Variants in NEURL1 observed in about 807,000 individuals in gnomAD.
The protein encoded by NEURL1 is neuralized E3 ubiquitin protein ligase 1, also known as E3 ubiquitin-protein ligase NEURL1.
Under a neutral mutation model 41.2 loss-of-function variants are expected in NEURL1, and 26 were observed. That is an observed-to-expected ratio of 0.63 (90% CI 0.46 to 0.87). The LOEUF (loss-of-function observed/expected upper bound fraction) is 0.87. Ranked by LOEUF, NEURL1 falls within the 40% of genes least tolerant of loss-of-function variation. NEURL1 has a pLI of 0.00. For missense variants in NEURL1, 761 were observed against 871.1 expected (o/e 0.87, Z 1.59); for synonymous variants, 400 against 402.3 (o/e 0.99, Z 0.07).
chr10:103,529,076 A>AT (rs1379991171), intron 1 of NEURL1, among the ~76,000 whole-genome samples: 1 of 152,244 alleles, frequency 6.6e-6, no homozygotes, highest in Non-Finnish European at 1.5e-5. Flanking sequence ...CTAGACTCTA[A>AT]TAACAGGTGT....
At chr10:103,567,202 T>C (rs2035444203) in intron 1 of NEURL1, among the ~76,000 whole-genome samples, 1 of 152,142 alleles carries the variant, frequency 6.6e-6, no homozygotes, top group African/African-American at 2.4e-5. Flanking sequence ...CAGGCTGGTC[T>C]CGAACTCCTG....
intron 1 of NEURL1, among the ~76,000 whole-genome samples, chr10:103,560,796 T>C (rs1237545403): frequency 6.6e-6 from 1 of 152,248 alleles, no homozygotes; most frequent in Non-Finnish European, 1.5e-5. Context: ...GCTCTGCCAC[T>C]TACCAGCTAT....
At chr10:103,515,891 A>G (rs1387576360) in intron 1 of NEURL1, among the ~76,000 whole-genome samples, 1 of 152,202 alleles carries the variant, frequency 6.6e-6, no homozygotes, top group Non-Finnish European at 1.5e-5. Flanking sequence ...TGAACTACAG[A>G]TGTGGTCCAA....
In NEURL1 at chr10:103,545,692, T is replaced by C. The variant is rs2034910868; in HGVS notation, c.86-25180T>C. Among the ~76,000 whole-genome samples the C allele has an allele frequency of 2.6e-5, 4 of 152,222 alleles. No homozygotes were observed. The highest frequency in any genetic ancestry group is 4.4e-5 in the Non-Finnish European group (3 of 68,036). ...TTTGCTGTATGAGAACAGCAGTTCCTATTTTTTGAGCCAAGCCAAGCCCTC... is the reference window on the plus strand; with the variant it reads ...TTTGCTGTATGAGAACAGCAGTTCCCATTTTTTGAGCCAAGCCAAGCCCTC... On this transcript the variant is annotated intron_variant, in intron 1 of 5. Transcript: ENST00000369780. The surrounding 1 kb of genome is among the most constrained non-coding windows in gnomAD (Gnocchi z 4.5).
chr10:103,568,894 AACCTCC>A (rs2035481271), intron 1 of NEURL1, among the ~76,000 whole-genome samples: 2 of 152,164 alleles, frequency 1.3e-5, no homozygotes, highest in Non-Finnish European at 2.9e-5. Context: ...GGCTCACTGC[AACCTCC>A]ACCTTCTGGG....
intron 1 of NEURL1, among the ~76,000 whole-genome samples, chr10:103,530,722 G>A (rs776455326): frequency 1.3e-5 from 2 of 151,912 alleles, no homozygotes; most frequent in African/African-American, 2.4e-5. Flanking sequence ...TGTGTTATTA[G>A]TAGAGACGGG....
chr10:103,520,426 G>A (rs1032793382), intron 1 of NEURL1, among the ~76,000 whole-genome samples: 1 of 152,154 alleles, frequency 6.6e-6, no homozygotes, highest in Non-Finnish European at 1.5e-5. Flanking sequence ...GGTGCTCAGT[G>A]GGGGAGCTTC....
chr10:103,585,633 G>T (rs1042912107), intron 4 of NEURL1, among the ~76,000 whole-genome samples: 2 of 152,096 alleles, frequency 1.3e-5, no homozygotes. Context: ...AGGAGATCAA[G>T]ACCATCCTGG....
At chr10:103,573,259 AG>A (rs2035587104) in intron 3 of NEURL1, among the ~76,000 whole-genome samples, 1 of 152,182 alleles carries the variant, frequency 6.6e-6, no homozygotes, top group Non-Finnish European at 1.5e-5. Flanking sequence ...CGACTGAAGA[AG>A]GGAGCCCAGG....
intron 3 of NEURL1, among the ~76,000 whole-genome samples, chr10:103,578,237 T>C (rs10883886): frequency 0.18 from 27,299 of 152,126 alleles, 2,630 homozygotes; most frequent in South Asian, 0.26. Flanking sequence ...TTTACACAAA[T>C]GAGAAGGGCT....
At chr10:103,548,399 T>C (rs1249099826) in intron 1 of NEURL1, among the ~76,000 whole-genome samples, 1 of 152,222 alleles carries the variant, frequency 6.6e-6, no homozygotes, top group Admixed American at 6.5e-5. Flanking sequence ...CTCGGCTCAC[T>C]GCAACCTCCA....
chr10:103,520,618 T>G (rs1327374520), intron 1 of NEURL1, among the ~76,000 whole-genome samples: 1 of 152,198 alleles, frequency 6.6e-6, no homozygotes, highest in Non-Finnish European at 1.5e-5. Context: ...TATGATGGCT[T>G]GGCTTGAGCT....
At chr10:103,538,739 C>T (rs1365909173) in intron 1 of NEURL1, among the ~76,000 whole-genome samples, 2 of 149,932 alleles carry the variant, frequency 1.3e-5, no homozygotes, top group Non-Finnish European at 3.0e-5. Context: ...CTCCGCCTCC[C>T]GAGTTCAAGT....
intron 4 of NEURL1, among the ~76,000 whole-genome samples, chr10:103,586,818 G>GC (rs1361140270): frequency 4.6e-5 from 7 of 152,204 alleles, no homozygotes; most frequent in African/African-American, 1.7e-4. Context: ...AGAGGCCGAG[G>GC]CAGATGTATT....
intron 1 of NEURL1, among the ~76,000 whole-genome samples, chr10:103,560,200 G>A (rs1370007322): frequency 7.1e-6 from 1 of 140,388 alleles, no homozygotes; most frequent in Non-Finnish European, 1.5e-5. Flanking sequence ...TTTGATATGG[G>A]GAGCTAGGGG....
chr10:103,571,421 G>T (rs2035541540), intron 2 of NEURL1, 80 bp from the exon 3 acceptor site: 4 of 1,384,978 alleles, frequency 2.9e-6, no homozygotes, highest in South Asian at 2.8e-5. Context: ...ATGCTCCAGG[G>T]AGTCCACCGC....
At chr10:103,541,291 G>A (rs368704632) in intron 1 of NEURL1, among the ~76,000 whole-genome samples, 18 of 152,164 alleles carry the variant, frequency 1.2e-4, no homozygotes, top group African/African-American at 3.9e-4. Flanking sequence ...ATAATCAGGG[G>A]AAATGCCTGT....
intron 1 of NEURL1, among the ~76,000 whole-genome samples, chr10:103,528,078 A>G (rs1439394350): frequency 1.3e-5 from 2 of 151,816 alleles, no homozygotes; most frequent in African/African-American, 2.4e-5. Flanking sequence ...AAATTAGGCC[A>G]GGCACGTTGG....
At chr10:103,538,308 C>T (rs1295899217) in intron 1 of NEURL1, among the ~76,000 whole-genome samples, 2 of 152,146 alleles carry the variant, frequency 1.3e-5, no homozygotes, top group Non-Finnish European at 2.9e-5. Context: ...CGGTGGCTCA[C>T]GCCTGTAGTT....
Sources: allele counts gnomAD v4.1 joint callset (sites outside exome capture counted in the v4.1 genomes callset), GRCh38; gene constraint gnomAD v4.1.1; non-coding constraint Gnocchi (gnomAD v3.1); transcripts MANE v1.5; gene names NCBI Gene and HGNC (gene_info 2026-07-23, HGNC 2026-07-21).